The following CADM2 variants were observed in gnomAD, a reference collection of about 807,000 sequenced individuals.
CADM2 encodes the protein cell adhesion molecule 2, also known as immunoglobulin superfamily member 4D.
A neutral mutation model predicts 49.8 loss-of-function variants in CADM2; 12 were observed. The observed-to-expected ratio is 0.24, with a 90% CI of 0.15 to 0.39. The LOEUF (loss-of-function observed/expected upper bound fraction) is 0.39, where lower values mean the gene tolerates loss of function less well. CADM2 is among the 10% of genes least tolerant of loss of function. The pLI, the probability that CADM2 is intolerant of heterozygous loss-of-function variation, is 1.00. For missense variants in CADM2, 378 were observed against 492.3 expected, an observed-to-expected ratio of 0.77 and a Z score of 2.20; for synonymous variants, 214 against 175.4, an observed-to-expected ratio of 1.22 and a Z score of -1.74.
chr3:85,785,841 T>C (rs2070951161), intron 2 of CADM2, among the ~76,000 whole-genome samples: 1 of 152,026 alleles, frequency 6.6e-6, no homozygotes, highest in Non-Finnish European at 1.5e-5. Flanking sequence ...TAATCAATAC[T>C]GATAATTTAT....
At chr3:85,367,909 A>G (rs571673999) in intron 1 of CADM2, among the ~76,000 whole-genome samples, 7 of 152,144 alleles carry the variant, frequency 4.6e-5, no homozygotes, top group African/African-American at 1.4e-4. Context: ...ATCTGCAGTT[A>G]GAGATGACTT....
chr3:85,749,591 A>T (rs749911883), intron 2 of CADM2, among the ~76,000 whole-genome samples: 4 of 122,260 alleles, frequency 3.3e-5, no homozygotes, highest in East Asian at 4.7e-4. Flanking sequence ...AATAAATTTT[A>T]AAAATGCTGA....
At chr3:85,488,136 G>A (rs145096857) in intron 1 of CADM2, among the ~76,000 whole-genome samples, 23 of 152,112 alleles carry the variant, frequency 1.5e-4, no homozygotes, top group Non-Finnish European at 2.5e-4. Context: ...CTGTATTCAC[G>A]TAATGAGGAA....
intron 1 of CADM2, among the ~76,000 whole-genome samples, chr3:85,373,883 C>T (rs1245898180): frequency 6.6e-6 from 1 of 152,168 alleles, no homozygotes; most frequent in Admixed American, 6.5e-5. Context: ...CAGCAATGCC[C>T]TGGGCCTGGG....
At chr3:86,002,061 A>C (rs890374383) in intron 8 of CADM2, among the ~76,000 whole-genome samples, 6 of 152,114 alleles carry the variant, frequency 3.9e-5, no homozygotes, top group African/African-American at 1.4e-4. Flanking sequence ...ATGAATATAA[A>C]ATACTGATGG....
At chr3:85,499,631 A>T (rs1454563729) in intron 1 of CADM2, among the ~76,000 whole-genome samples, 1 of 151,998 alleles carries the variant, frequency 6.6e-6, no homozygotes, top group Non-Finnish European at 1.5e-5. Context: ...AATACTTCTT[A>T]TACAGATGAA....
At chr3:85,748,549 G>A (rs1406999088) in intron 2 of CADM2, among the ~76,000 whole-genome samples, 1 of 152,032 alleles carries the variant, frequency 6.6e-6, no homozygotes, top group African/African-American at 2.4e-5. Context: ...GATGCAAATA[G>A]GATGGAGAAG....
intron 8 of CADM2, among the ~76,000 whole-genome samples, chr3:85,997,402 T>TTGCAAATTAC (rs1277092974): frequency 1.3e-5 from 2 of 152,190 alleles, no homozygotes; most frequent in Non-Finnish European, 2.9e-5. Flanking sequence ...TGTTAGTGTA[T>TTGCAAATTAC]TGCAAATTAC....
chr3:86,026,616 C>T (rs894757703), intron 8 of CADM2, among the ~76,000 whole-genome samples: 1 of 152,198 alleles, frequency 6.6e-6, no homozygotes, highest in Non-Finnish European at 1.5e-5. Context: ...ACCTTGCCAA[C>T]TGACGCCTAT....
At position 86,071,641 on chromosome 3, in the gene CADM2, T is replaced by G. The variant is rs889007773; in HGVS notation, c.*4858T>G. 1 of 151,956 alleles carries G rather than the reference T, an allele frequency of 6.6e-6. No individual in the cohort carries two copies. The highest frequency in any genetic ancestry group is 1.5e-5 in the Non-Finnish European group (1 of 67,870). 9.4% of individuals were successfully genotyped at this position (151,956 alleles called of 1,614,324 possible). On this transcript the variant is annotated 3_prime_UTR_variant, in exon 10 of 10. Transcript: ENST00000383699. ...TTACCAGATATCCCAGGAAGCATTC[T>G]TATGGAACTATTATAACAGTGCACT...
chr3:85,885,990 T>C lies in CADM2; in HGVS notation c.392-200T>C, dbSNP rs2108400707. Among the ~76,000 whole-genome samples the C allele has an allele frequency of 3.3e-5, 5 of 152,282 alleles. 1 individual carries two copies. The South Asian group carries it at 1.0e-3, about 32-fold the overall frequency. ...GTGTATGGATGTGTGTATATGTTTATGTGTATGCATATAGACATATACACC... is the reference window on the plus strand; with the variant it reads ...GTGTATGGATGTGTGTATATGTTTACGTGTATGCATATAGACATATACACC... On this transcript the variant is annotated intron_variant, in intron 4 of 9. Coordinates refer to ENST00000383699, the MANE Select transcript of CADM2 (RefSeq NM_001167675.2).
intron 1 of CADM2, among the ~76,000 whole-genome samples, chr3:85,560,530 A>G (rs1177219921): frequency 6.6e-6 from 1 of 152,250 alleles, no homozygotes; most frequent in African/African-American, 2.4e-5. Flanking sequence ...GCTGCAGGAG[A>G]GGCAGACATT....
chr3:85,066,165 C>A (rs570102930), intron 1 of CADM2, among the ~76,000 whole-genome samples: 13 of 151,932 alleles, frequency 8.6e-5, no homozygotes, highest in Non-Finnish European at 1.3e-4. Flanking sequence ...GAAGAGGGTG[C>A]CTTCATCATA....
At chr3:85,158,961 G>GC (rs2040230201) in intron 1 of CADM2, among the ~76,000 whole-genome samples, 1 of 152,144 alleles carries the variant, frequency 6.6e-6, no homozygotes, top group Admixed American at 6.6e-5. Flanking sequence ...GTTGACGTCT[G>GC]CGTGTGTGTT....
chr3:84,982,239 T>C (rs1367081554), intron 1 of CADM2, among the ~76,000 whole-genome samples: 2 of 152,174 alleles, frequency 1.3e-5, no homozygotes, highest in African/African-American at 4.8e-5. Flanking sequence ...AATATGTATA[T>C]AGTCAAGTGT....
chr3:85,201,118 CA>C (rs891707620), intron 1 of CADM2, among the ~76,000 whole-genome samples: 2 of 152,094 alleles, frequency 1.3e-5, no homozygotes, highest in African/African-American at 4.8e-5. Context: ...ATTGATTCTG[CA>C]AATGATTTAA....
intron 1 of CADM2, among the ~76,000 whole-genome samples, chr3:85,178,822 C>T (rs1247260875): frequency 6.6e-6 from 1 of 151,620 alleles, no homozygotes; most frequent in East Asian, 1.9e-4. Flanking sequence ...AGACTGAGTA[C>T]GTTTACTTCT....
intron 1 of CADM2, among the ~76,000 whole-genome samples, chr3:84,971,062 G>A (rs935475368): frequency 6.6e-6 from 1 of 151,986 alleles, no homozygotes; most frequent in Non-Finnish European, 1.5e-5. Flanking sequence ...TTGGAACTGT[G>A]AGGAAAAGCT....
At chr3:85,886,912 G>A (rs992426679) in intron 5 of CADM2, among the ~76,000 whole-genome samples, 1 of 151,948 alleles carries the variant, frequency 6.6e-6, no homozygotes, top group Non-Finnish European at 1.5e-5. Context: ...CATTCTTTAG[G>A]AGGGGAATAA....
Sources: allele counts gnomAD v4.1 joint callset (sites outside exome capture counted in the v4.1 genomes callset), GRCh38; gene constraint gnomAD v4.1.1; transcripts MANE v1.5; gene names NCBI Gene and HGNC (gene_info 2026-07-23, HGNC 2026-07-21).